Variants in KIF16B observed in about 807,000 individuals in gnomAD.
KIF16B encodes the protein kinesin-like protein KIF16B.
A neutral mutation model predicts 156.3 loss-of-function variants in KIF16B; 98 were observed. The observed-to-expected ratio is 0.63, with a 90% CI of 0.53 to 0.74. The LOEUF is 0.74. Ranked by LOEUF, KIF16B falls within the 30% of genes least tolerant of loss-of-function variation. KIF16B has a pLI of 0.00. For missense variants in KIF16B, 1,421 were observed against 1,606.5 expected, an observed-to-expected ratio of 0.88 and a Z score of 1.97; for synonymous variants, 564 against 583.7, an observed-to-expected ratio of 0.97 and a Z score of 0.49.
intron 25 of KIF16B, among the ~76,000 whole-genome samples, chr20:16,291,282 A>G (rs1365438333): frequency 1.3e-5 from 2 of 152,210 alleles, no homozygotes; most frequent in South Asian, 4.1e-4. Context: ...TTGTGCTTCA[A>G]AGCCACACTC....
intron 23 of KIF16B, among the ~76,000 whole-genome samples, chr20:16,352,024 T>C (rs544283104): frequency 6.6e-6 from 1 of 152,194 alleles, no homozygotes; most frequent in East Asian, 1.9e-4. Flanking sequence ...AGAAGATAAA[T>C]GCCGTTGGAT....
intron 12 of KIF16B, among the ~76,000 whole-genome samples, chr20:16,453,067 A>C (rs1455215407): frequency 6.6e-6 from 1 of 151,704 alleles, no homozygotes; most frequent in Non-Finnish European, 1.5e-5. Context: ...ATAAAATATG[A>C]AACTAGCCTG....
chr20:16,412,344 T>C (rs76640344), intron 15 of KIF16B, among the ~76,000 whole-genome samples: 4,555 of 151,924 alleles, frequency 0.03, 96 homozygotes, highest in Non-Finnish European at 0.048. Flanking sequence ...GGTAAGGAAA[T>C]GCAGATGTAC....
chr20:16,381,665 T>C (rs985989828), intron 18 of KIF16B, 29 bp downstream of exon 18: 18 of 1,568,274 alleles, frequency 1.1e-5, no homozygotes, highest in Non-Finnish European at 1.5e-5. Flanking sequence ...ACTACAGGAG[T>C]GTTGAAACTT....
chr20:16,385,700 G>A (rs980632448), intron 17 of KIF16B, among the ~76,000 whole-genome samples: 2 of 152,130 alleles, frequency 1.3e-5, no homozygotes, highest in Admixed American at 6.5e-5. Context: ...GGGGAAGGAG[G>A]GGCCTGGGGA....
At position 16,328,201 on chromosome 20, in the gene KIF16B, T is replaced by C. The variant is rs990567925; in HGVS notation, c.3711+7725A>G. ...TACTGGGTACCCAGAGAATGCCAGA[T>C]GTGAGTGAACAATTGCTCTAACACA... On this transcript the variant is annotated intron_variant, in intron 24 of 25. Coordinates refer to ENST00000354981, the MANE Select transcript of KIF16B (RefSeq NM_024704.5). Among the ~76,000 whole-genome samples, 3 of 152,194 alleles carry C rather than the reference T, an allele frequency of 2.0e-5. No individual in the cohort carries two copies. In the East Asian group the frequency reaches 5.8e-4, roughly 29 times the overall value.
intron 15 of KIF16B, among the ~76,000 whole-genome samples, chr20:16,414,374 G>A (rs1308512633): frequency 6.6e-6 from 1 of 152,102 alleles, no homozygotes; most frequent in Non-Finnish European, 1.5e-5. Flanking sequence ...CATGCCATCA[G>A]ATCATCAGTT....
intron 24 of KIF16B, among the ~76,000 whole-genome samples, chr20:16,328,000 G>A (rs1377103303): frequency 6.6e-6 from 1 of 152,026 alleles, no homozygotes; most frequent in Non-Finnish European, 1.5e-5. Context: ...AATAATAGAT[G>A]GTCAATAGTT....
intron 23 of KIF16B, among the ~76,000 whole-genome samples, chr20:16,350,170 T>C (rs904624220): frequency 4.6e-5 from 7 of 152,202 alleles, no homozygotes; most frequent in African/African-American, 1.7e-4. Flanking sequence ...CTGGACATCA[T>C]GTGTGTGACC....
intron 24 of KIF16B, among the ~76,000 whole-genome samples, chr20:16,324,463 G>A (rs1331968065): frequency 1.3e-5 from 2 of 151,942 alleles, no homozygotes; most frequent in East Asian, 3.9e-4. Context: ...GATCCCTCAG[G>A]GTGCTGGCAT....
At chr20:16,328,745 T>C (rs1249314995) in intron 24 of KIF16B, among the ~76,000 whole-genome samples, 1 of 152,146 alleles carries the variant, frequency 6.6e-6, no homozygotes. Flanking sequence ...AAGATCAGGG[T>C]GTAAGCAGAT....
chr20:16,488,222 G>A (rs2068181504), intron 12 of KIF16B, among the ~76,000 whole-genome samples: 1 of 152,212 alleles, frequency 6.6e-6, no homozygotes, highest in African/African-American at 2.4e-5. Context: ...AGCACCCTCA[G>A]GGCTGCGAGG....
intron 17 of KIF16B, among the ~76,000 whole-genome samples, chr20:16,385,753 A>G (rs2065215674): frequency 6.6e-6 from 1 of 152,150 alleles, no homozygotes; most frequent in African/African-American, 2.4e-5. Flanking sequence ...GGGAGAGGCC[A>G]GGGCAGTGGT....
chr20:16,515,878 C>T (rs530699522), intron 3 of KIF16B, among the ~76,000 whole-genome samples: 38 of 152,268 alleles, frequency 2.5e-4, no homozygotes, highest in African/African-American at 8.4e-4. Flanking sequence ...CAGCCCCATC[C>T]TCTTTCCTAC....
chr20:16,517,259 C>T (rs1236147875), intron 3 of KIF16B, among the ~76,000 whole-genome samples: 1 of 152,232 alleles, frequency 6.6e-6, no homozygotes, highest in Non-Finnish European at 1.5e-5. Context: ...ACTGTTATTT[C>T]CATTGGGTCA....
intron 25 of KIF16B, among the ~76,000 whole-genome samples, chr20:16,291,168 G>T (rs2063309435): frequency 1.3e-5 from 2 of 152,168 alleles, no homozygotes; most frequent in South Asian, 4.1e-4. Flanking sequence ...TCTTTCCCTA[G>T]GACCTTAATT....
At chr20:16,406,605 T>G in intron 15 of KIF16B, 149 bp from the exon 16 acceptor site, 1 of 711,074 alleles carries the variant, frequency 1.4e-6, no homozygotes, top group East Asian at 2.7e-5. Context: ...TCTGCTTACT[T>G]AAGACAATTT....
chr20:16,275,103 C>G (rs8122612), intron 25 of KIF16B, among the ~76,000 whole-genome samples: 6 of 149,690 alleles, frequency 4.0e-5, no homozygotes, highest in African/African-American at 1.5e-4. Flanking sequence ...TCCCAGGCTG[C>G]AGTGCAGTGG....
chr20:16,522,742 ACT>A (rs1215912508), intron 3 of KIF16B, among the ~76,000 whole-genome samples: 1 of 152,152 alleles, frequency 6.6e-6, no homozygotes, highest in Non-Finnish European at 1.5e-5. Context: ...CATCACACTT[ACT>A]CTAAAATTGA....
Sources: gnomAD v4.1 joint callset for allele counts (sites outside exome capture counted in the v4.1 genomes callset) on GRCh38, gnomAD v4.1.1 for gene constraint, MANE v1.5 for transcripts, NCBI Gene and HGNC (gene_info 2026-07-23, HGNC 2026-07-21) for gene names.